The following TMEM178B variants were observed in gnomAD, a reference collection of about 807,000 sequenced individuals.
The protein encoded by TMEM178B is transmembrane protein 178B.
TMEM178B carries 5 observed loss-of-function variants against 31.0 expected under a neutral mutation model. That is an observed-to-expected ratio of 0.16 (90% CI 0.08 to 0.34). TMEM178B has a LOEUF of 0.34. Ranked by LOEUF, TMEM178B falls within the 10% of genes least tolerant of loss-of-function variation. The pLI is 1.00. For missense variants in TMEM178B, 275 were observed against 400.3 expected (o/e 0.69, Z 2.67); for synonymous variants, 164 against 164.0 (o/e 1.00, Z 0.00).
chr7:141,206,593 C>CA (rs1796966560), intron 1 of TMEM178B, among the ~76,000 whole-genome samples: 1 of 152,150 alleles, frequency 6.6e-6, no homozygotes, highest in Non-Finnish European at 1.5e-5. Context: ...GACTCTCTGC[C>CA]AAAGGCCGCA....
the TMEM178B span, among the ~76,000 whole-genome samples, chr7:141,499,643 A>G: frequency 3.4e-3 from 519 of 152,168 alleles, 2 homozygotes; most frequent in African/African-American, 9.6e-3. Context: ...TGTCTTAAAA[A>G]AACCAACAAA....
rs1762865139 is a variant in TMEM178B, at chr7:141,344,699, CACAGAAGGT to C, written c.497-92904_497-92896del. The stretch of plus-strand genomic sequence containing the variant: ...CAAAGTATAAAACAATAAAGATGGA[CACAGAAGGT>C]ACAGCACCCCCCAACACACACACAC... On this transcript the variant is annotated intron_variant, in intron 2 of 3. Transcript: ENST00000565468. This position sits in a 1 kb window ranked among gnomAD's most constrained non-coding sequence, Gnocchi z 4.1. 6.6e-6 allele frequency among the ~76,000 whole-genome samples: 1 copy of C among 151,656 alleles called. No individual in the cohort carries two copies. The highest frequency in any genetic ancestry group is 2.4e-5 in the African/African-American group (1 of 41,206).
intron 1 of TMEM178B, among the ~76,000 whole-genome samples, chr7:141,094,051 A>G (rs1165675288): frequency 6.6e-6 from 1 of 152,230 alleles, no homozygotes; most frequent in Non-Finnish European, 1.5e-5. Context: ...AAATAAAAGC[A>G]TAGTTGTAGG....
In TMEM178B at chr7:141,432,846, A is replaced by G. The variant is rs1185987176; in HGVS notation, c.497-4762A>G. ...TGCCTGCGGGCACTGAGTGAACCCC[A>G]GTTCAACTGGGGCTTCATTGTAGAG... On this transcript the variant is annotated intron_variant, in intron 2 of 3. Coordinates refer to ENST00000565468, the MANE Select transcript of TMEM178B (RefSeq NM_001195278.2). 2.0e-4 allele frequency among the ~76,000 whole-genome samples: 30 copies of G among 152,148 alleles called. 1 individual carries two copies. The highest frequency in any genetic ancestry group is 2.0e-3 in the Admixed American group (30 of 15,280).
At chr7:141,274,846 G>A (rs1421724228) in intron 2 of TMEM178B, among the ~76,000 whole-genome samples, 1 of 152,200 alleles carries the variant, frequency 6.6e-6, no homozygotes, top group Non-Finnish European at 1.5e-5. Context: ...GACCAAGGAG[G>A]CAGCTCTGTT....
rs767785691 is a variant in TMEM178B at position 141,470,756 on chromosome 7, A to G, written c.855A>G (p.Lys285=). The G allele has an allele frequency of 1.3e-6, 2 of 1,526,180 alleles. No individual in the cohort carries two copies. The highest frequency in any genetic ancestry group is 2.0e-5 in the Admixed American group (1 of 49,668). The allele number at this position is 1,526,180 out of a possible 1,614,324, so 94.5% of individuals were successfully genotyped here. Residue 285 remains lysine, a synonymous_variant, in exon 4 of 4, where the codon AAA becomes AAG. Coordinates refer to ENST00000565468, the MANE Select transcript of TMEM178B (RefSeq NM_001195278.2). ...VQPVPRTNYP[K]SRPENGTVC ...CTGTCCCGAGGACCAACTACCCTAAATCCAGACCCGAGAATGGGACAGTGT... is the reference window on the plus strand; with the variant it reads ...CTGTCCCGAGGACCAACTACCCTAAGTCCAGACCCGAGAATGGGACAGTGT...
At chr7:141,282,532 G>A (rs1798383280) in intron 2 of TMEM178B, among the ~76,000 whole-genome samples, 2 of 152,330 alleles carry the variant, frequency 1.3e-5, no homozygotes, top group African/African-American at 4.8e-5. Context: ...CTTTGAAGAG[G>A]CAATGCCTGA....
chr7:141,384,964 C>G (rs1308821862), intron 2 of TMEM178B, among the ~76,000 whole-genome samples: 1 of 152,062 alleles, frequency 6.6e-6, no homozygotes, highest in Non-Finnish European at 1.5e-5. Context: ...TCTTATGGAG[C>G]GTGCTAGTAC....
chr7:141,384,987 A>G (rs1426121641), intron 2 of TMEM178B, among the ~76,000 whole-genome samples: 6 of 152,004 alleles, frequency 3.9e-5, no homozygotes, highest in Non-Finnish European at 7.4e-5. Context: ...TTCTATTTCT[A>G]TTTCCACATT....
At chr7:141,286,614 C>T (rs963316644) in intron 2 of TMEM178B, among the ~76,000 whole-genome samples, 2 of 152,128 alleles carry the variant, frequency 1.3e-5, no homozygotes, top group East Asian at 1.9e-4. Context: ...TGTCCAACCT[C>T]GGGGAGAATC....
chr7:141,164,175 A>G (rs558593545), intron 1 of TMEM178B, among the ~76,000 whole-genome samples: 54 of 152,372 alleles, frequency 3.5e-4, no homozygotes, highest in African/African-American at 1.3e-3. Context: ...TAACAAATGC[A>G]TCATTTTTAA....
chr7:141,295,192 G>A (rs188549860), intron 2 of TMEM178B, among the ~76,000 whole-genome samples: 1 of 152,314 alleles, frequency 6.6e-6, no homozygotes, highest in East Asian at 1.9e-4. Flanking sequence ...CTGGACACAG[G>A]TGAAGAAGGT....
intron 2 of TMEM178B, among the ~76,000 whole-genome samples, chr7:141,387,694 C>T (rs759206300): frequency 1.3e-5 from 2 of 152,202 alleles, no homozygotes; most frequent in African/African-American, 2.4e-5. Context: ...TTCCTGTCAC[C>T]CGGTGGGTGG....
intron 2 of TMEM178B, among the ~76,000 whole-genome samples, chr7:141,249,043 A>G (rs1479168718): frequency 2.0e-5 from 3 of 151,964 alleles, no homozygotes; most frequent in African/African-American, 7.3e-5. Flanking sequence ...GGGCTGTTGG[A>G]TGTTGGTGGT....
chr7:141,349,332 C>G (rs1172143089), intron 2 of TMEM178B, among the ~76,000 whole-genome samples: 1 of 152,136 alleles, frequency 6.6e-6, no homozygotes, highest in South Asian at 2.1e-4. Context: ...AACCTACAAT[C>G]TCTGGGTGGA....
At chr7:141,195,970 A>G (rs780673749) in intron 1 of TMEM178B, among the ~76,000 whole-genome samples, 2 of 152,178 alleles carry the variant, frequency 1.3e-5, no homozygotes, top group Non-Finnish European at 1.5e-5. Flanking sequence ...CCATGATTCA[A>G]TTACCTCCCC....
chr7:141,145,697 C>A (rs116980402), intron 1 of TMEM178B, among the ~76,000 whole-genome samples: 1 of 152,130 alleles, frequency 6.6e-6, no homozygotes, highest in African/African-American at 2.4e-5. Context: ...AGTCTGATTC[C>A]GTAGATCTGA....
intron 2 of TMEM178B, among the ~76,000 whole-genome samples, chr7:141,355,414 C>G (rs1422439396): frequency 6.6e-6 from 1 of 152,142 alleles, no homozygotes; most frequent in Non-Finnish European, 1.5e-5. Context: ...AGTCATGCAC[C>G]TGCCATGAAT....
intron 2 of TMEM178B, among the ~76,000 whole-genome samples, chr7:141,253,454 T>C (rs998621252): frequency 7.9e-5 from 12 of 152,074 alleles, no homozygotes; most frequent in African/African-American, 2.7e-4. Flanking sequence ...AAAATAGCTG[T>C]GCTCCAAAAA....
Sources: allele counts gnomAD v4.1 joint callset (sites outside exome capture counted in the v4.1 genomes callset), GRCh38; gene constraint gnomAD v4.1.1; non-coding constraint Gnocchi (gnomAD v3.1); transcripts MANE v1.5; gene names NCBI Gene and HGNC (gene_info 2026-07-23, HGNC 2026-07-21).